The following VAV3 variants were observed in gnomAD, a reference collection of about 807,000 sequenced individuals.
The protein encoded by VAV3 is guanine nucleotide exchange factor VAV3.
VAV3 carries 94 observed loss-of-function variants against 131.2 expected under a neutral mutation model. That is an observed-to-expected ratio of 0.72 (90% confidence interval 0.61 to 0.85). The LOEUF (loss-of-function observed/expected upper bound fraction) is 0.85, where lower values mean the gene tolerates loss of function less well. VAV3 is among the 40% of genes least tolerant of loss of function. VAV3 has a pLI of 0.00. For missense variants in VAV3, 939 were observed against 1,002.7 expected (o/e 0.94, Z 0.86); for synonymous variants, 349 against 342.0 (o/e 1.02, Z -0.22).
intron 15 of VAV3, among the ~76,000 whole-genome samples, chr1:107,721,216 G>A (rs1042776198): frequency 6.6e-6 from 1 of 152,200 alleles, no homozygotes; most frequent in African/African-American, 2.4e-5. Context: ...GACAGCTATG[G>A]TGGGGGAGGA....
At chr1:107,767,100 T>C (rs1230643855) in intron 7 of VAV3, among the ~76,000 whole-genome samples, 1 of 152,208 alleles carries the variant, frequency 6.6e-6, no homozygotes, top group Non-Finnish European at 1.5e-5. Context: ...AAATTTGTAC[T>C]TTGGTCAATT....
At chr1:107,824,492 A>T (rs1216465133) in intron 2 of VAV3, among the ~76,000 whole-genome samples, 1 of 152,190 alleles carries the variant, frequency 6.6e-6, no homozygotes, top group African/African-American at 2.4e-5. Flanking sequence ...CTCAGTACTG[A>T]AAAGGATCCA....
chr1:107,870,709 AC>A, intron 2 of VAV3, among the ~76,000 whole-genome samples: 2 of 151,962 alleles, frequency 1.3e-5, no homozygotes, highest in East Asian at 3.9e-4. Context: ...TCCCTGACTC[AC>A]CCCTAAGCTG....
chr1:107,856,616 T>C (rs987190782), intron 2 of VAV3, among the ~76,000 whole-genome samples: 1 of 152,244 alleles, frequency 6.6e-6, no homozygotes, highest in Non-Finnish European at 1.5e-5. Context: ...GCACTTTATT[T>C]TGTTCTCAAG....
intron 2 of VAV3, among the ~76,000 whole-genome samples, chr1:107,861,028 T>C (rs568519128): frequency 4.6e-5 from 7 of 151,826 alleles, no homozygotes; most frequent in South Asian, 4.2e-4. Context: ...TTATTAGTGA[T>C]GAATCTCTAG....
intron 1 of VAV3, among the ~76,000 whole-genome samples, chr1:107,890,396 C>A (rs1256862613): frequency 6.6e-6 from 1 of 152,108 alleles, no homozygotes. Flanking sequence ...ACTTCTTGGT[C>A]TTTTCTTTTT....
chr1:107,668,791 C>T, intron 19 of VAV3: 2 of 984,808 alleles, frequency 2.0e-6, no homozygotes, highest in Non-Finnish European at 1.2e-6. Context: ...CTAACATTAA[C>T]TTTAGCTTAT....
intron 19 of VAV3, among the ~76,000 whole-genome samples, chr1:107,656,631 G>C (rs917305089): frequency 1.3e-5 from 2 of 152,082 alleles, no homozygotes; most frequent in African/African-American, 4.8e-5. Context: ...ATAAAGAAAA[G>C]ATAAATACAT....
intron 1 of VAV3, among the ~76,000 whole-genome samples, chr1:107,957,558 C>G (rs913959799): frequency 1.7e-4 from 26 of 151,830 alleles, no homozygotes; most frequent in Admixed American, 7.2e-4. Flanking sequence ...TACAGGGAAG[C>G]GAATATGAAA....
intron 2 of VAV3, among the ~76,000 whole-genome samples, chr1:107,863,014 T>C: frequency 6.6e-6 from 1 of 152,084 alleles, no homozygotes; most frequent in East Asian, 1.9e-4. Context: ...GATGGCACAA[T>C]ATAGCAAAAA....
intron 2 of VAV3, among the ~76,000 whole-genome samples, chr1:107,793,294 A>C (rs1666385474): frequency 6.6e-6 from 1 of 152,192 alleles, no homozygotes; most frequent in South Asian, 2.1e-4. Context: ...ACAAAAACCA[A>C]AACAGCCTGT....
At chr1:107,622,630 G>A (rs948379495) in intron 20 of VAV3, among the ~76,000 whole-genome samples, 1 of 152,132 alleles carries the variant, frequency 6.6e-6, no homozygotes, top group Non-Finnish European at 1.5e-5. Flanking sequence ...CAGATTAATG[G>A]TTATTTATGA....
chr1:107,878,039 TTTA>T (rs1253988514), intron 1 of VAV3, among the ~76,000 whole-genome samples: 1 of 141,590 alleles, frequency 7.1e-6, no homozygotes, highest in East Asian at 2.1e-4. Context: ...GTTTATTTAT[TTTA>T]TTTTTTTGAA....
chr1:107,937,354 T>C (rs1010968698), intron 1 of VAV3, among the ~76,000 whole-genome samples: 1 of 152,218 alleles, frequency 6.6e-6, no homozygotes, highest in Non-Finnish European at 1.5e-5. Flanking sequence ...GGCTAGTGAC[T>C]GCAGCAGCTG....
chr1:107,782,288 T>C (rs1665731465), intron 2 of VAV3, among the ~76,000 whole-genome samples: 1 of 152,188 alleles, frequency 6.6e-6, no homozygotes. Context: ...CAGAATGCAT[T>C]TTCTATTCCT....
chr1:107,867,379 A>G (rs1571066800), intron 2 of VAV3, among the ~76,000 whole-genome samples: 1 of 152,192 alleles, frequency 6.6e-6, no homozygotes, highest in East Asian at 1.9e-4. Context: ...CTATAAGAGG[A>G]GGTAGGAATG....
At chr1:107,718,963 T>C (rs1661308895) in intron 15 of VAV3, among the ~76,000 whole-genome samples, 1 of 152,200 alleles carries the variant, frequency 6.6e-6, no homozygotes, top group Non-Finnish European at 1.5e-5. Context: ...GTGAAAGGAT[T>C]CCCTATTCAA....
At chr1:107,725,734 A>C (rs1438877138) in intron 15 of VAV3, among the ~76,000 whole-genome samples, 1 of 152,028 alleles carries the variant, frequency 6.6e-6, no homozygotes, top group Non-Finnish European at 1.5e-5. Context: ...GCTACTCTCA[A>C]ACTCCCGACC....
intron 1 of VAV3, among the ~76,000 whole-genome samples, chr1:107,879,431 T>A (rs1670659000): frequency 6.6e-6 from 1 of 152,192 alleles, no homozygotes; most frequent in South Asian, 2.1e-4. Flanking sequence ...GTGGAGTGCA[T>A]AATAAGCCAA....
Sources: gnomAD v4.1 joint callset for allele counts (sites outside exome capture counted in the v4.1 genomes callset) on GRCh38, gnomAD v4.1.1 for gene constraint, MANE v1.5 for transcripts, NCBI Gene and HGNC (gene_info 2026-07-23, HGNC 2026-07-21) for gene names.